UBL7: variants seen among roughly 807,000 people sequenced by gnomAD.
The protein encoded by UBL7 is ubiquitin like 7, also known as ubiquitin-like protein 7.
UBL7 carries 21 observed loss-of-function variants against 41.7 expected under a neutral mutation model. That is an observed-to-expected ratio of 0.50 (90% CI 0.36 to 0.73). The LOEUF is 0.73. Ranked by LOEUF, UBL7 falls within the 30% of genes least tolerant of loss-of-function variation. The pLI is 0.00. For missense variants in UBL7, 403 were observed against 478.4 expected, an observed-to-expected ratio of 0.84 and a Z score of 1.47; for synonymous variants, 157 against 186.9, an observed-to-expected ratio of 0.84 and a Z score of 1.31.
chr15:74,456,339 A>G (rs1018780598), intron 3 of UBL7, among the ~76,000 whole-genome samples: 1 of 152,124 alleles, frequency 6.6e-6, no homozygotes, highest in African/African-American at 2.4e-5. Context: ...TGGAGAAACA[A>G]ATCTTCCATT....
Position 74,461,098 on chromosome 15 carries a change from G to A in UBL7, c.-91C>T, listed in dbSNP as rs1448879673. ...CGAGCCCGCGCTGCCCAGGGCCCCA[G>A]CGCCCTCACCCGTCCCGCGGAAGGA... On this transcript the variant is annotated 5_prime_UTR_variant, in exon 1 of 11. Transcript: ENST00000395081. 2.4e-5 allele frequency: 24 copies of A among 1,003,330 alleles called. No individual in the cohort carries two copies. The highest frequency in any genetic ancestry group is 3.9e-5 in the South Asian group (1 of 25,942). The allele number at this position is 1,003,330 out of a possible 1,614,324, so 62.2% of individuals were successfully genotyped here. A position where few individuals can be genotyped will look rare whatever the true frequency, so the allele number is the denominator to read the frequency against.
chr15:74,461,093 C>G lies in UBL7; in HGVS notation c.-86G>C, dbSNP rs1020451199. On this transcript the variant is annotated 5_prime_UTR_variant, in exon 1 of 11. Transcript: ENST00000395081. ...CACATCGAGCCCGCGCTGCCCAGGG[C>G]CCCAGCGCCCTCACCCGTCCCGCGG... 3.4e-5 allele frequency: 34 copies of G among 1,005,134 alleles called. No homozygotes were observed. The highest frequency in any genetic ancestry group is 3.5e-5 in the Non-Finnish European group (29 of 840,296). 62.3% of individuals were successfully genotyped at this position (1,005,134 alleles called of 1,614,324 possible). A position where few individuals can be genotyped will look rare whatever the true frequency, so the allele number is the denominator to read the frequency against.
chr15:74,452,854 G>A (rs1177000546), intron 3 of UBL7, among the ~76,000 whole-genome samples: 1 of 152,048 alleles, frequency 6.6e-6, no homozygotes, highest in Non-Finnish European at 1.5e-5. Context: ...TGGGATTACA[G>A]GTGTGCAACA....
chr15:74,453,524 C>CT (rs1414956833), intron 3 of UBL7, among the ~76,000 whole-genome samples: 2 of 152,012 alleles, frequency 1.3e-5, no homozygotes, highest in African/African-American at 2.4e-5. Flanking sequence ...CTGATATTTA[C>CT]TGGGGGGGTG....
intron 3 of UBL7, among the ~76,000 whole-genome samples, chr15:74,452,758 C>A (rs2061261862): frequency 6.6e-6 from 1 of 152,202 alleles, no homozygotes; most frequent in East Asian, 1.9e-4. Flanking sequence ...TCTTGCCCAG[C>A]CAGAATGCAG....
chr15:74,456,358 C>T (rs977142050), intron 3 of UBL7, among the ~76,000 whole-genome samples, 194 bp downstream of exon 3: 3 of 152,052 alleles, frequency 2.0e-5, no homozygotes, highest in African/African-American at 2.4e-5. Flanking sequence ...TTAGTGATGC[C>T]GGCAGTAAGA....
chr15:74,449,906 G>A (rs1248829108), intron 7 of UBL7, 30 bp downstream of exon 7: 1 of 1,597,282 alleles, frequency 6.3e-7, no homozygotes, highest in Non-Finnish European at 8.5e-7. Flanking sequence ...GGCTCCTGAG[G>A]GGCCCACATT....
Position 74,456,631 on chromosome 15 carries a change from T to A in UBL7, c.225A>T (p.Thr75=). 1 of 1,614,178 alleles carries A rather than the reference T, an allele frequency of 6.2e-7. No individual in the cohort carries two copies. Among genetic ancestry groups the A allele is most frequent in the Non-Finnish European group, 8.5e-7 (1 of 1,180,028 alleles). The change falls in exon 3 of 11, where the codon ACA becomes ACT. Residue 75 remains threonine (T), a synonymous_variant. Coordinates refer to ENST00000395081, the MANE Select transcript of UBL7 (RefSeq NM_032907.5). ...YCGRKLKDDQ[T]LDFYGIQPGS... Reference sequence around the variant, plus strand: ...CAGGTTGAATGCCATAGAAGTCAAGTGTCTGGTCATCTTTTAGCTTCCGAC... The same window carrying A: ...CAGGTTGAATGCCATAGAAGTCAAGAGTCTGGTCATCTTTTAGCTTCCGAC...
Position 74,449,255 on chromosome 15 carries a change from C to T in UBL7, c.813G>A (p.Glu271=), listed in dbSNP as rs1203928316. 2 of 1,611,020 alleles carry T rather than the reference C, an allele frequency of 1.2e-6. No homozygotes were observed. Among genetic ancestry groups the T allele is most frequent in the Non-Finnish European group, 1.7e-6 (2 of 1,178,902 alleles). Residue 271 remains glutamate, a synonymous_variant, in exon 9 of 11, where the codon GAG becomes GAA. Transcript: ENST00000395081. ...TGGCCAGGGCCAAGGCGGTGGCCAG[C>T]TCACTCTGGGTGATGGGCCGGGGCC... is the stretch of plus-strand genomic sequence containing the variant. The part of the protein sequence containing the change: ...AAGPRPITQS[E]LATALALAST...
intron 10 of UBL7, 48 bp downstream of exon 10, chr15:74,448,429 CA>C: frequency 6.2e-7 from 1 of 1,608,430 alleles, no homozygotes; most frequent in East Asian, 2.2e-5. Context: ...GCTGGGCATC[CA>C]AAATAACAAG....
intron 5 of UBL7, 132 bp from the exon 6 acceptor site, chr15:74,450,991 G>A: frequency 1.1e-6 from 1 of 930,336 alleles, no homozygotes; most frequent in South Asian, 1.4e-5. Context: ...GAGAAGTAGA[G>A]GAAGCAAAGC....
At chr15:74,458,421 C>A (rs2061313444) in intron 2 of UBL7, among the ~76,000 whole-genome samples, 1 of 152,026 alleles carries the variant, frequency 6.6e-6, no homozygotes, top group South Asian at 2.1e-4. Context: ...GGCTACACAG[C>A]AAAACAAAAA....
In UBL7 at chr15:74,448,745, A is replaced by G. The variant is rs879092838; in HGVS notation, c.883-145T>C. Reference sequence around the variant, plus strand: ...AAGACCTGCCATAAGACAACCAAACAAAGGTAACTAGAAGCTCTCTATGTG... The same window carrying G: ...AAGACCTGCCATAAGACAACCAAACGAAGGTAACTAGAAGCTCTCTATGTG... On this transcript the variant is annotated intron_variant, in intron 9 of 10. Coordinates refer to ENST00000395081, the MANE Select transcript of UBL7 (RefSeq NM_032907.5). 15 of 1,192,002 alleles carry G rather than the reference A, an allele frequency of 1.3e-5. No individual in the cohort carries two copies. The South Asian group carries it at 2.0e-4, about 16-fold the overall frequency. 73.8% of individuals were successfully genotyped at this position (1,192,002 alleles called of 1,614,324 possible).
intron 2 of UBL7, 141 bp from the exon 3 acceptor site, chr15:74,456,812 A>C: frequency 9.5e-7 from 1 of 1,053,642 alleles, no homozygotes; most frequent in Non-Finnish European, 1.3e-6. Flanking sequence ...CTTAACAAAT[A>C]CTTTTTTTTT....
intron 2 of UBL7, 22 bp from the exon 3 acceptor site, chr15:74,456,693 T>C (rs765279021): frequency 1.2e-6 from 2 of 1,600,026 alleles, no homozygotes; most frequent in East Asian, 4.5e-5. Flanking sequence ...ACTGTCCACT[T>C]ATATTTTGCT....
chr15:74,460,785 G>A, intron 1 of UBL7: 1 of 1,269,158 alleles, frequency 7.9e-7, no homozygotes, highest in Non-Finnish European at 1.0e-6. Flanking sequence ...ACCTCTGATA[G>A]AGAAGAGGAA....
chr15:74,452,110 CCT>C (rs2061252571), intron 4 of UBL7, among the ~76,000 whole-genome samples, 184 bp downstream of exon 4: 1 of 152,140 alleles, frequency 6.6e-6, no homozygotes, highest in Admixed American at 6.5e-5. Context: ...ATCAACAACG[CCT>C]GACTGAGACA....
intron 3 of UBL7, among the ~76,000 whole-genome samples, chr15:74,454,544 A>T (rs1350668864): frequency 6.6e-6 from 1 of 152,122 alleles, no homozygotes; most frequent in African/African-American, 2.4e-5. Context: ...GATTACAAGC[A>T]GGCACCACCA....
intron 3 of UBL7, among the ~76,000 whole-genome samples, chr15:74,456,128 G>GAAA (rs553827153): frequency 1.1e-5 from 1 of 93,492 alleles, no homozygotes. Flanking sequence ...CTCCGTCTCA[G>GAAA]AAAAAAAAAA....
Sources: allele counts gnomAD v4.1 joint callset (sites outside exome capture counted in the v4.1 genomes callset), GRCh38; gene constraint gnomAD v4.1.1; transcripts MANE v1.5; gene names NCBI Gene and HGNC (gene_info 2026-07-23, HGNC 2026-07-21).